Variants in GATA6 observed in about 807,000 individuals in gnomAD.
GATA6 encodes transcription factor GATA-6.
A neutral mutation model predicts 48.1 loss-of-function variants in GATA6; 11 were observed. That is an observed-to-expected ratio of 0.23 (90% CI 0.14 to 0.38). The LOEUF (loss-of-function observed/expected upper bound fraction) is 0.38. Among genes scored for constraint, GATA6 ranks in the 10% least tolerant of loss-of-function variants. GATA6 has a pLI of 1.00. For missense variants in GATA6, 795 were observed against 850.3 expected (o/e 0.93, Z 0.81); for synonymous variants, 419 against 396.1 (o/e 1.06, Z -0.69).
chr18:22,171,953 C>G lies in GATA6; in HGVS notation c.809C>G (p.Pro270Arg). The part of the protein sequence containing the change: ...SARFPYSPSP[P>R]MANGAAREPG... ...CGCTTCCCCTACTCTCCCAGCCCGC[C>G]CATGGCCAACGGCGCCGCGCGGGAG... The change falls in exon 2 of 7, where the codon CCC becomes CGC. Residue 270 changes from proline to arginine, a missense_variant. Transcript: ENST00000269216. This position sits in a 1 kb window ranked among gnomAD's most constrained non-coding sequence, Gnocchi z 7.1. 6.7e-6 allele frequency: 8 copies of G among 1,200,520 alleles called. No homozygotes were observed. The highest frequency in any genetic ancestry group is 7.2e-6 in the Non-Finnish European group (7 of 968,440). 74.4% of individuals were successfully genotyped at this position (1,200,520 alleles called of 1,614,324 possible). A position where few individuals can be genotyped will look rare whatever the true frequency, so the allele number is the denominator to read the frequency against.
rs1180139969 is a variant in GATA6, at chr18:22,200,690, G to T, written c.1655G>T (p.Ser552Ile). The change falls in exon 7 of 7, where the codon AGC (serine) becomes ATC (isoleucine). Residue 552 changes from serine to isoleucine, a missense_variant. Physicochemically the swap from Ser to Ile is moderately radical, Grantham distance 142. Transcript: ENST00000269216. ...GAPVMTGAGE[S>I]TNPENSELKY... ...CCGGTGATGACTGGTGCGGGAGAGA[G>T]CACCAATCCCGAGAACAGCGAGCTC... 6.2e-7 allele frequency: 1 copy of T among 1,614,124 alleles called. No homozygotes were observed. The highest frequency in any genetic ancestry group is 8.5e-7 in the Non-Finnish European group (1 of 1,180,054).
chr18:22,171,709 G>A lies in GATA6; in HGVS notation c.565G>A (p.Val189Met), dbSNP rs1295009208. The change falls in exon 2 of 7, where the codon GTG becomes ATG. Residue 189 changes from valine (V) to methionine (M), a missense_variant. Coordinates refer to ENST00000269216, the MANE Select transcript of GATA6 (RefSeq NM_005257.6). The surrounding 1 kb of genome is among the most constrained non-coding windows in gnomAD (Gnocchi z 7.1). ...AAAAASSPVY[V>M]PTTRVGSMLP... ...GGCGGCGGCCAGCTCCCCGGTCTAC[G>A]TGCCCACCACCCGCGTGGGTTCCAT... The A allele has an allele frequency of 2.0e-6, 3 of 1,495,146 alleles. No homozygotes were observed. The highest frequency in any genetic ancestry group is 2.3e-5 in the Admixed American group (1 of 44,288). The allele number at this position is 1,495,146 out of a possible 1,614,324, so 92.6% of individuals were successfully genotyped here. A position where few individuals can be genotyped will look rare whatever the true frequency, so the allele number is the denominator to read the frequency against.
chr18:22,183,989 T>G (rs2033230454), intron 6 of GATA6, among the ~76,000 whole-genome samples: 1 of 152,210 alleles, frequency 6.6e-6, no homozygotes, highest in Admixed American at 6.5e-5. Context: ...CTGAAATTAT[T>G]TGGGGTACTT....
intron 6 of GATA6, among the ~76,000 whole-genome samples, chr18:22,189,790 T>C (rs1336031588): frequency 6.6e-6 from 1 of 152,210 alleles, no homozygotes; most frequent in Admixed American, 6.5e-5. Context: ...TAATACTCAC[T>C]CACTTATAAG....
chr18:22,171,879 G>A lies in GATA6; in HGVS notation c.735G>A (p.Gly245=), dbSNP rs1031755167. 123 of 1,153,514 alleles carry A rather than the reference G, an allele frequency of 1.1e-4. No homozygotes were observed. Among genetic ancestry groups the A allele is most frequent in the Non-Finnish European group, 1.2e-4 (117 of 938,856 alleles). The allele number at this position is 1,153,514 out of a possible 1,614,324, so 71.5% of individuals were successfully genotyped here. The change falls in exon 2 of 7, where the codon GGG becomes GGA. Residue 245 remains glycine, a synonymous_variant. Transcript: ENST00000269216. The surrounding 1 kb of genome is among the most constrained non-coding windows in gnomAD (Gnocchi z 7.1). ...YGSGGGAAGG[G]AAGPGGAGSA... is the part of the protein sequence containing the mutation. ...GCGGAGGCGGCGCGGCTGGCGGCGG[G>A]GCCGCGGGGCCTGGCGGCGCTGGCT...
chr18:22,196,364 G>A (rs1052955157), intron 6 of GATA6, among the ~76,000 whole-genome samples: 11 of 152,068 alleles, frequency 7.2e-5, no homozygotes, highest in African/African-American at 2.4e-4. Flanking sequence ...GGTTATTTTC[G>A]CCAATTGCTT....
chr18:22,178,838 T>A (rs1272700742), intron 3 of GATA6, among the ~76,000 whole-genome samples: 1 of 152,212 alleles, frequency 6.6e-6, no homozygotes, highest in African/African-American at 2.4e-5. Context: ...AAGTTCCTTG[T>A]TTTCATATAA....
At chr18:22,186,759 C>T (rs1406797566) in intron 6 of GATA6, among the ~76,000 whole-genome samples, 4 of 152,316 alleles carry the variant, frequency 2.6e-5, no homozygotes, top group East Asian at 3.9e-4. Context: ...CCTAATGCCA[C>T]GAAAATTTTT....
intron 6 of GATA6, among the ~76,000 whole-genome samples, chr18:22,194,717 C>A (rs991612341): frequency 1.3e-5 from 2 of 151,362 alleles, no homozygotes; most frequent in African/African-American, 2.4e-5. Context: ...CCGCCCCCCC[C>A]TCCCAACACA....
chr18:22,174,854 C>A (rs977508530), intron 2 of GATA6, among the ~76,000 whole-genome samples: 1 of 152,052 alleles, frequency 6.6e-6, no homozygotes, highest in Non-Finnish European at 1.5e-5. Flanking sequence ...CACTATGCAC[C>A]TCTCGCTGAC....
Position 22,170,843 on chromosome 18 carries a change from G to C in GATA6, c.-37-265G>C. ...CCGAGGGGGTGGGCGGGGAGGACGC[G>C]GGGACCGGAGCGGTGCCTTTGAGGG... On this transcript the variant is annotated intron_variant, in intron 1 of 6. Transcript: ENST00000269216. This position sits in a 1 kb window ranked among gnomAD's most constrained non-coding sequence, Gnocchi z 6.7. 2.0e-6 allele frequency: 1 copy of C among 489,162 alleles called. No homozygotes were observed. The highest frequency in any genetic ancestry group is 3.7e-6 in the Non-Finnish European group (1 of 273,792). 30.3% of individuals were successfully genotyped at this position (489,162 alleles called of 1,614,324 possible).
chr18:22,196,557 A>G (rs181321216), intron 6 of GATA6, among the ~76,000 whole-genome samples: 2 of 152,218 alleles, frequency 1.3e-5, no homozygotes, highest in East Asian at 3.9e-4. Flanking sequence ...CCTAGGCAAC[A>G]TGGTGAAACC....
In GATA6 at chr18:22,200,845, G is replaced by A. The variant is rs752123736; in HGVS notation, c.*22G>A. ...CTGAGCCCACGCCGCCAGGAGGCAG[G>A]GAGGGCTCCGCCGCGGGCCTCACTC... On this transcript the variant is annotated 3_prime_UTR_variant, in exon 7 of 7. Transcript: ENST00000269216. The A allele has an allele frequency of 3.1e-6, 5 of 1,597,334 alleles. No individual in the cohort carries two copies. In the South Asian group the frequency reaches 5.6e-5, roughly 18 times the overall value.
chr18:22,196,890 C>T (rs58452422), intron 6 of GATA6, among the ~76,000 whole-genome samples: 1 of 151,986 alleles, frequency 6.6e-6, no homozygotes, highest in African/African-American at 2.4e-5. Flanking sequence ...CAACTGTGTT[C>T]CGACTGCTTC....
At position 22,171,058 on chromosome 18, in the gene GATA6, T is replaced by G. The variant is rs1210677149; in HGVS notation, c.-37-50T>G. The G allele has an allele frequency of 1.7e-6, 2 of 1,173,182 alleles. No individual in the cohort carries two copies. Among genetic ancestry groups the G allele is most frequent in the Non-Finnish European group, 2.5e-6 (2 of 806,762 alleles). 72.7% of individuals were successfully genotyped at this position (1,173,182 alleles called of 1,614,324 possible). On this transcript the variant is annotated intron_variant, in intron 1 of 6. Coordinates refer to ENST00000269216, the MANE Select transcript of GATA6 (RefSeq NM_005257.6). This position sits in a 1 kb window ranked among gnomAD's most constrained non-coding sequence, Gnocchi z 7.1. ...CGAGGTAGCGTGCAGCCTACGCTCT[T>G]GTTAACCCGTCGATCTCCTACCATA...
Position 22,187,292 on chromosome 18 carries a change from C to G in GATA6, c.1620+4249C>G, listed in dbSNP as rs1205468763. Among the ~76,000 whole-genome samples, 3 of 152,156 alleles carry G rather than the reference C, an allele frequency of 2.0e-5. 1 individual carries two copies. The East Asian group carries it at 5.8e-4, about 29-fold the overall frequency. On this transcript the variant is annotated intron_variant, in intron 6 of 6. Transcript: ENST00000269216. ...GGTCAGGAGTTTGAGACCAGCCTGA[C>G]CAACATGGAGAAACCCCGTCTCTAC... is the stretch of plus-strand genomic sequence containing the variant.
intron 2 of GATA6, among the ~76,000 whole-genome samples, chr18:22,174,235 A>G (rs1168773955): frequency 1.3e-5 from 2 of 152,150 alleles, no homozygotes; most frequent in Admixed American, 6.5e-5. Context: ...GTATCTGCAG[A>G]TTGAGCCAGC....
chr18:22,172,123 C>A lies in GATA6; in HGVS notation c.979C>A (p.His327Asn). ...GCTGAACGGGACGTACCACCACCAC[C>A]ACCACCACCACCACCACCATCCGAG... ...RPLNGTYHHH[H>N]HHHHHHPSPY... Residue 327 changes from histidine to asparagine, a missense_variant, in exon 2 of 7, where the codon CAC (histidine) becomes AAC (asparagine). Coordinates refer to ENST00000269216, the MANE Select transcript of GATA6 (RefSeq NM_005257.6). This position sits in a 1 kb window ranked among gnomAD's most constrained non-coding sequence, Gnocchi z 5.2. The A allele has an allele frequency of 6.6e-7, 1 of 1,515,042 alleles. No homozygotes were observed. Among genetic ancestry groups the A allele is most frequent in the Non-Finnish European group, 8.8e-7 (1 of 1,136,484 alleles). 93.8% of individuals were successfully genotyped at this position (1,515,042 alleles called of 1,614,324 possible).
intron 6 of GATA6, among the ~76,000 whole-genome samples, chr18:22,188,260 G>A (rs1443994728): frequency 1.3e-5 from 2 of 152,152 alleles, no homozygotes; most frequent in Non-Finnish European, 2.9e-5. Context: ...TGCCACATCT[G>A]GAATTGTTTA....
Sources: allele counts gnomAD v4.1 joint callset (sites outside exome capture counted in the v4.1 genomes callset), GRCh38; gene constraint gnomAD v4.1.1; non-coding constraint Gnocchi (gnomAD v3.1); transcripts MANE v1.5; gene names NCBI Gene and HGNC (gene_info 2026-07-23, HGNC 2026-07-21).